Variants in RGS10 observed in about 807,000 individuals in gnomAD.
RGS10 encodes the protein regulator of G protein signaling 10.
Under a neutral mutation model 23.5 loss-of-function variants are expected in RGS10, and 11 were observed. The ratio of observed to expected loss-of-function variants is 0.47; its 90% CI spans 0.29 to 0.77. The LOEUF (loss-of-function observed/expected upper bound fraction) is 0.77, where lower values mean the gene tolerates loss of function less well. Among genes scored for constraint, RGS10 ranks in the 30% least tolerant of loss-of-function variants. The pLI is 0.08. For synonymous variants in RGS10, 77 were observed against 83.2 expected (o/e 0.92, Z 0.41); for missense variants, 180 against 226.3 (o/e 0.80, Z 1.31).
chr10:119,515,175 C>G (rs1317836009), intron 4 of RGS10, among the ~76,000 whole-genome samples: 2 of 152,134 alleles, frequency 1.3e-5, no homozygotes, highest in African/African-American at 4.8e-5. Flanking sequence ...TCCGTCTATT[C>G]TTACCTTCAG....
intron 1 of RGS10, among the ~76,000 whole-genome samples, chr10:119,529,133 G>T (rs1290553793): frequency 6.6e-6 from 1 of 152,178 alleles, no homozygotes; most frequent in Non-Finnish European, 1.5e-5. Context: ...ACCATGGAAT[G>T]TCACTTCAGA....
chr10:119,540,083 G>A (rs1354751311), intron 1 of RGS10, among the ~76,000 whole-genome samples: 1 of 152,132 alleles, frequency 6.6e-6, no homozygotes, highest in Non-Finnish European at 1.5e-5. Flanking sequence ...CGGCTGGGTG[G>A]TGATGACCAG....
chr10:119,503,365 C>T (rs1206257301), intron 4 of RGS10, among the ~76,000 whole-genome samples: 3 of 151,728 alleles, frequency 2.0e-5, no homozygotes, highest in Non-Finnish European at 4.4e-5. Context: ...AGAGAATGCA[C>T]CTAAAACTTT....
chr10:119,533,638 A>G (rs1844355225), intron 1 of RGS10, among the ~76,000 whole-genome samples: 1 of 152,220 alleles, frequency 6.6e-6, no homozygotes, highest in Admixed American at 6.5e-5. Context: ...CAGATTACAC[A>G]AGAAAGCAGG....
chr10:119,502,760 G>A (rs1843966679), intron 4 of RGS10, among the ~76,000 whole-genome samples: 2 of 152,150 alleles, frequency 1.3e-5, no homozygotes, highest in African/African-American at 4.8e-5. Context: ...ACTCCCTACT[G>A]GGGCAGGTGT....
rs751752298 is a variant in RGS10, at chr10:119,527,283, G to A, written c.168+23C>T. 1.6e-5 allele frequency: 25 copies of A among 1,556,994 alleles called. No individual in the cohort carries two copies. Among genetic ancestry groups the A allele is most frequent in the South Asian group, 3.4e-5 (3 of 89,504 alleles). On this transcript the variant is annotated intron_variant, in intron 2 of 4. Coordinates refer to ENST00000369103, the MANE Select transcript of RGS10 (RefSeq NM_001005339.2). The surrounding 1 kb of genome is among the most constrained non-coding windows in gnomAD (Gnocchi z 4.2). ...CTTCTGCACACACTGCATCCATCCC[G>A]ATTAACAATGAAAAAGACAAACCCT... is the stretch of plus-strand genomic sequence containing the variant.
chr10:119,535,272 A>G (rs535078167), intron 1 of RGS10, among the ~76,000 whole-genome samples: 11 of 38,198 alleles, frequency 2.9e-4, no homozygotes, highest in East Asian at 1.8e-3. Context: ...ATCCATGCAG[A>G]AAAAAAAAAA....
In RGS10 at chr10:119,538,452, C is replaced by T. The variant is rs1348852304; in HGVS notation, c.49+4138G>A. Among the ~76,000 whole-genome samples the T allele has an allele frequency of 2.0e-5, 3 of 152,270 alleles. No individual in the cohort carries two copies. The highest frequency in any genetic ancestry group is 3.9e-4 in the East Asian group (2 of 5,192). On this transcript the variant is annotated intron_variant, in intron 1 of 4. Coordinates refer to ENST00000369103, the MANE Select transcript of RGS10 (RefSeq NM_001005339.2). The surrounding 1 kb of genome is among the most constrained non-coding windows in gnomAD (Gnocchi z 4.5). ...GGCAGCGAGGCCTAGAAGGGTGGGT[C>T]TGTTGGAGCAGGGGGACCCAGGCTT...
intron 4 of RGS10, among the ~76,000 whole-genome samples, chr10:119,502,166 A>G (rs1031766426): frequency 6.6e-6 from 1 of 152,128 alleles, no homozygotes; most frequent in Non-Finnish European, 1.5e-5. Flanking sequence ...TAATCCCAGA[A>G]AATACAAAAA....
chr10:119,512,500 A>G (rs956383806), intron 4 of RGS10, among the ~76,000 whole-genome samples: 6 of 152,042 alleles, frequency 3.9e-5, no homozygotes, highest in Admixed American at 2.6e-4. Flanking sequence ...TTTTCACCCA[A>G]TTATGCCTTA....
Position 119,524,331 on chromosome 10 carries a change from G to A in RGS10, c.255+1701C>T, listed in dbSNP as rs1844248806. Among the ~76,000 whole-genome samples, 1 of 152,188 alleles carries A rather than the reference G, an allele frequency of 6.6e-6. No homozygotes were observed. On this transcript the variant is annotated intron_variant, in intron 3 of 4. Coordinates refer to ENST00000369103, the MANE Select transcript of RGS10 (RefSeq NM_001005339.2). The surrounding 1 kb of genome is among the most constrained non-coding windows in gnomAD (Gnocchi z 5.2). ...GTGCAGACAACAACGGGTGACTTCA[G>A]GGAGCTAGTTCAAGTCCTAGCTCTG...
intron 3 of RGS10, among the ~76,000 whole-genome samples, chr10:119,522,607 A>G (rs1243604412): frequency 6.6e-6 from 1 of 151,836 alleles, no homozygotes; most frequent in Non-Finnish European, 1.5e-5. Flanking sequence ...AATCCCAGCT[A>G]CTCAGTAGGC....
At position 119,542,539 on chromosome 10, in the gene RGS10, G is replaced by A. The variant is rs1404852351; in HGVS notation, c.49+51C>T. On this transcript the variant is annotated intron_variant, in intron 1 of 4. Transcript: ENST00000369103. Reference sequence around the variant, plus strand: ...CAAGAGGGAGGGCAGGAGGCCGGGCGGGCGAAACGGCGCCCCGACCCCGAG... The same window carrying A: ...CAAGAGGGAGGGCAGGAGGCCGGGCAGGCGAAACGGCGCCCCGACCCCGAG... 1.2e-5 allele frequency: 16 copies of A among 1,357,966 alleles called. No individual in the cohort carries two copies. In the Admixed American group the frequency reaches 4.2e-4, roughly 36 times the overall value. The allele number at this position is 1,357,966 out of a possible 1,614,324, so 84.1% of individuals were successfully genotyped here.
At chr10:119,542,498 G>A in intron 1 of RGS10, 92 bp downstream of exon 1, 1 of 1,174,566 alleles carries the variant, frequency 8.5e-7, no homozygotes, top group Non-Finnish European at 1.1e-6. Flanking sequence ...AGGTACCACC[G>A]AGCCGCGCCC....
chr10:119,509,751 T>C (rs1013021059), intron 4 of RGS10, among the ~76,000 whole-genome samples: 3 of 152,068 alleles, frequency 2.0e-5, no homozygotes, highest in African/African-American at 7.2e-5. Context: ...TAGCAGAGTA[T>C]TTGCCCAAAG....
Position 119,527,337 on chromosome 10 carries a change from A to G in RGS10, c.137T>C (p.Leu46Pro), listed in dbSNP as rs1195268970. 1 of 1,614,150 alleles carries G rather than the reference A, an allele frequency of 6.2e-7. No individual in the cohort carries two copies. Among genetic ancestry groups the G allele is most frequent in the South Asian group, 1.1e-5 (1 of 91,084 alleles). ...TCTTTTCACGCCTTCTGGGTCTTCC[A>G]GCAGATTCTCCAGGGATGCCGCCCA... ...AKWAASLENL[L>P]EDPEGVKRFR... The change falls in exon 2 of 5, where the codon CTG becomes CCG. Residue 46 changes from leucine (L) to proline (P), a missense_variant. By Grantham distance (98) the Leu-to-Pro change is moderately conservative. Coordinates refer to ENST00000369103, the MANE Select transcript of RGS10 (RefSeq NM_001005339.2). The surrounding 1 kb of genome is among the most constrained non-coding windows in gnomAD (Gnocchi z 4.2).
chr10:119,506,698 C>G (rs773989127), intron 4 of RGS10, among the ~76,000 whole-genome samples: 4 of 152,038 alleles, frequency 2.6e-5, no homozygotes, highest in Non-Finnish European at 4.4e-5. Flanking sequence ...CCCCCAAATA[C>G]TTTTATTTAT....
Position 119,503,649 on chromosome 10 carries a change from C to T in RGS10, c.400-3390G>A, listed in dbSNP as rs148961034. ...GACCCCCATTTGACAGAGGAAGAAA[C>T]GAGGGGCTTAGGGGTTCCTCACAGT... is the stretch of plus-strand genomic sequence containing the variant. On this transcript the variant is annotated intron_variant, in intron 4 of 4. Coordinates refer to ENST00000369103, the MANE Select transcript of RGS10 (RefSeq NM_001005339.2). 1.4e-3 allele frequency among the ~76,000 whole-genome samples: 209 copies of T among 152,270 alleles called. 1 individual carries two copies. The highest frequency in any genetic ancestry group is 4.4e-3 in the African/African-American group (181 of 41,550).
At chr10:119,529,751 G>C (rs1399037316) in intron 1 of RGS10, among the ~76,000 whole-genome samples, 2 of 152,002 alleles carry the variant, frequency 1.3e-5, no homozygotes, top group African/African-American at 4.8e-5. Context: ...CTAGAGACAT[G>C]TTTCTATAAA....
Sources: allele counts gnomAD v4.1 joint callset (sites outside exome capture counted in the v4.1 genomes callset), GRCh38; gene constraint gnomAD v4.1.1; non-coding constraint Gnocchi (gnomAD v3.1); transcripts MANE v1.5; gene names NCBI Gene and HGNC (gene_info 2026-07-23, HGNC 2026-07-21).